Variants in LARGE1 observed in about 807,000 individuals in gnomAD.
LARGE1 encodes the protein LARGE xylosyl- and glucuronyltransferase 1, also known as xylosyl- and glucuronyltransferase LARGE1.
Under a neutral mutation model 87.6 loss-of-function variants are expected in LARGE1, and 43 were observed. That is an observed-to-expected ratio of 0.49 (90% CI 0.38 to 0.63). The LOEUF (loss-of-function observed/expected upper bound fraction) is 0.63. Among genes scored for constraint, LARGE1 ranks in the 30% least tolerant of loss-of-function variants. LARGE1 has a pLI of 0.00. For synonymous variants in LARGE1, 434 were observed against 394.6 expected (o/e 1.10, Z -1.18); for missense variants, 802 against 1,000.2 (o/e 0.80, Z 2.67).
At chr22:33,071,231 C>G in the LARGE1 span, among the ~76,000 whole-genome samples, 1 of 152,102 alleles carries the variant, frequency 6.6e-6, no homozygotes, top group African/African-American at 2.4e-5. Context: ...ACTTATGTAC[C>G]TGGATTCTAC....
intron 1 of LARGE1, among the ~76,000 whole-genome samples, chr22:33,880,926 T>C (rs1286886047): frequency 6.6e-6 from 1 of 152,248 alleles, no homozygotes; most frequent in Non-Finnish European, 1.5e-5. Flanking sequence ...TTAGAATATA[T>C]TTTATGTTTA....
At chr22:33,601,729 A>G (rs9609844) in intron 5 of LARGE1, among the ~76,000 whole-genome samples, 1 of 152,026 alleles carries the variant, frequency 6.6e-6, no homozygotes, top group African/African-American at 2.4e-5. Flanking sequence ...AGTCTTCGAT[A>G]GTAGACATCG....
the LARGE1 span, among the ~76,000 whole-genome samples, chr22:33,084,608 T>C: frequency 2.6e-5 from 4 of 151,978 alleles, no homozygotes; most frequent in Admixed American, 6.6e-5. Context: ...TGAGCCATGA[T>C]AGCAACACTG....
intron 1 of LARGE1, among the ~76,000 whole-genome samples, chr22:33,813,729 T>C (rs1044396304): frequency 6.6e-6 from 1 of 152,180 alleles, no homozygotes; most frequent in African/African-American, 2.4e-5. Flanking sequence ...CCAGGTACCC[T>C]TGAACTCCAT....
intron 1 of LARGE1, among the ~76,000 whole-genome samples, chr22:33,807,471 C>T (rs1211576680): frequency 6.6e-6 from 1 of 152,214 alleles, no homozygotes; most frequent in Admixed American, 6.5e-5. Context: ...CCAATCTCAA[C>T]ATACCCCATC....
chr22:33,646,564 A>G (rs2080620397), intron 3 of LARGE1, among the ~76,000 whole-genome samples: 1 of 151,494 alleles, frequency 6.6e-6, no homozygotes, highest in Non-Finnish European at 1.5e-5. Flanking sequence ...ACAAACCTGC[A>G]CATTCTGCAC....
chr22:33,765,475 G>A (rs1174680961), intron 1 of LARGE1, among the ~76,000 whole-genome samples: 4 of 151,950 alleles, frequency 2.6e-5, no homozygotes, highest in African/African-American at 4.8e-5. Context: ...AGGCTGAGGC[G>A]GGCGGATCAC....
chr22:33,694,392 C>T (rs2082183046), intron 2 of LARGE1, among the ~76,000 whole-genome samples: 1 of 152,220 alleles, frequency 6.6e-6, no homozygotes, highest in Non-Finnish European at 1.5e-5. Flanking sequence ...TCACACCTGC[C>T]TCTAGTGAAC....
At chr22:33,769,059 G>C (rs1232314208) in intron 1 of LARGE1, among the ~76,000 whole-genome samples, 1 of 152,216 alleles carries the variant, frequency 6.6e-6, no homozygotes, top group Non-Finnish European at 1.5e-5. Context: ...AGGGCAAACT[G>C]TTCACATCCT....
rs118166485 is a variant in LARGE1 at position 33,323,626 on chromosome 22, C to T, written c.1288-7378G>A. Among the ~76,000 whole-genome samples, 626 of 151,858 alleles carry T rather than the reference C, an allele frequency of 4.1e-3. 5 individuals are homozygous for T. The highest frequency in any genetic ancestry group is 5.0e-3 in the South Asian group (24 of 4,776). On this transcript the variant is annotated intron_variant, in intron 10 of 14. Transcript: ENST00000397394. The stretch of plus-strand genomic sequence containing the variant: ...CTGTGGTCCCAGTGCAGGAAAAAGA[C>T]GAAAGGAAAAAGAAAAACCCACTCA...
intron 2 of LARGE1, among the ~76,000 whole-genome samples, chr22:33,695,706 G>C (rs1191459383): frequency 6.6e-6 from 1 of 152,060 alleles, no homozygotes; most frequent in East Asian, 1.9e-4. Context: ...TCATTAACCA[G>C]GATTCAATAA....
chr22:33,883,332 C>T (rs1443281078), intron 1 of LARGE1, among the ~76,000 whole-genome samples: 1 of 152,296 alleles, frequency 6.6e-6, no homozygotes, highest in East Asian at 1.9e-4. Context: ...CAAAGTAACT[C>T]AACCAGGGTC....
chr22:33,496,274 A>G (rs539778786), intron 6 of LARGE1, among the ~76,000 whole-genome samples: 7 of 152,272 alleles, frequency 4.6e-5, no homozygotes, highest in African/African-American at 1.7e-4. Context: ...CCACTGACTC[A>G]AATGTTAATC....
chr22:33,306,533 G>A (rs1362317083), intron 11 of LARGE1, among the ~76,000 whole-genome samples: 1 of 152,002 alleles, frequency 6.6e-6, no homozygotes, highest in African/African-American at 2.4e-5. Flanking sequence ...CCCCTGCCCC[G>A]TGACCTGCCA....
At chr22:33,652,583 C>T (rs1215378609) in intron 2 of LARGE1, among the ~76,000 whole-genome samples, 1 of 152,142 alleles carries the variant, frequency 6.6e-6, no homozygotes, top group Non-Finnish European at 1.5e-5. Flanking sequence ...AAGCATATCT[C>T]TAGAAAATCG....
intron 1 of LARGE1, among the ~76,000 whole-genome samples, chr22:33,764,138 G>A (rs1390711629): frequency 6.6e-6 from 1 of 151,864 alleles, no homozygotes; most frequent in African/African-American, 2.4e-5. Flanking sequence ...GTGAGCCACC[G>A]CACCTGACCC....
At chr22:33,075,717 G>A in the LARGE1 span, among the ~76,000 whole-genome samples, 1 of 152,152 alleles carries the variant, frequency 6.6e-6, no homozygotes, top group Admixed American at 6.5e-5. Context: ...AGTAAATATG[G>A]TCTTGAGTAA....
At chr22:33,513,948 T>C (rs567185286) in intron 6 of LARGE1, among the ~76,000 whole-genome samples, 2 of 152,282 alleles carry the variant, frequency 1.3e-5, no homozygotes, top group African/African-American at 2.4e-5. Context: ...CTTTTCTATG[T>C]TGAGATACAC....
At chr22:33,537,099 C>T (rs1435666524) in intron 6 of LARGE1, among the ~76,000 whole-genome samples, 2 of 152,250 alleles carry the variant, frequency 1.3e-5, no homozygotes, top group African/African-American at 4.8e-5. Flanking sequence ...GCGTGAGCCA[C>T]CGCGCCCAGT....
Sources: gnomAD v4.1 joint callset for allele counts (sites outside exome capture counted in the v4.1 genomes callset) on GRCh38, gnomAD v4.1.1 for gene constraint, MANE v1.5 for transcripts, NCBI Gene and HGNC (gene_info 2026-07-23, HGNC 2026-07-21) for gene names.